The following SYT12 variants were observed in gnomAD, a reference collection of about 807,000 sequenced individuals.
The protein encoded by SYT12 is synaptotagmin-12.
SYT12 carries 27 observed loss-of-function variants against 39.5 expected under a neutral mutation model. That is an observed-to-expected ratio of 0.68 (90% confidence interval 0.50 to 0.94). The LOEUF (loss-of-function observed/expected upper bound fraction) is 0.94, where lower values mean the gene tolerates loss of function less well. Among genes scored for constraint, SYT12 ranks in the 40% least tolerant of loss-of-function variants. The pLI, the probability that SYT12 is intolerant of heterozygous loss-of-function variation, is 0.00. For synonymous variants in SYT12, 233 were observed against 239.7 expected (o/e 0.97, Z 0.26); for missense variants, 536 against 572.6 (o/e 0.94, Z 0.65).
intron 3 of SYT12, among the ~76,000 whole-genome samples, chr11:67,035,279 C>T (rs1330052165): frequency 6.6e-6 from 1 of 150,528 alleles, no homozygotes; most frequent in African/African-American, 2.4e-5. Flanking sequence ...AAAGTGCTGG[C>T]GTGAGTCACC....
rs1950135323 is a variant in SYT12, at chr11:67,023,340, G to A, written c.-144G>A. 1 of 148,360 alleles carries A rather than the reference G, an allele frequency of 6.7e-6. No individual in the cohort carries two copies. Among genetic ancestry groups the A allele is most frequent in the Non-Finnish European group, 1.5e-5 (1 of 66,530 alleles). 9.2% of individuals were successfully genotyped at this position (148,360 alleles called of 1,614,324 possible). A position where few individuals can be genotyped will look rare whatever the true frequency, so the allele number is the denominator to read the frequency against. ...CGCGCTCCTCGGAGGCGGGAGCCCG[G>A]CGACACTGCAGGGGTGGCGTTGCCG... On this transcript the variant is annotated 5_prime_UTR_variant, in exon 1 of 8. Transcript: ENST00000527043.
At chr11:67,045,538 G>A in intron 6 of SYT12, 1 of 704,710 alleles carries the variant, frequency 1.4e-6, no homozygotes, top group East Asian at 2.9e-5. Context: ...TGAGCACAAA[G>A]CCCAGCCCTC....
intron 7 of SYT12, among the ~76,000 whole-genome samples, chr11:67,047,271 T>A (rs1854587513): frequency 6.9e-6 from 1 of 144,566 alleles, no homozygotes; most frequent in South Asian, 2.2e-4. Flanking sequence ...ACCCCCAATT[T>A]TTTTTTTTTT....
intron 2 of SYT12, chr11:67,032,412 A>G (rs530755341): frequency 6.6e-6 from 1 of 152,338 alleles, no homozygotes; most frequent in East Asian, 1.9e-4. Context: ...GAATAAATTC[A>G]CCAGAGTGGG....
At chr11:67,041,214 T>C (rs1006361292) in intron 4 of SYT12, among the ~76,000 whole-genome samples, 39 of 150,948 alleles carry the variant, frequency 2.6e-4, no homozygotes, top group African/African-American at 9.3e-4. Flanking sequence ...GGCTCACACC[T>C]GTAATCCCAG....
chr11:67,009,691 C>A (rs1949998924), intron 1 of SYT12, among the ~76,000 whole-genome samples: 1 of 151,350 alleles, frequency 6.6e-6, no homozygotes, highest in Admixed American at 6.6e-5. Flanking sequence ...AAGTTCCCAG[C>A]ATCTAGTAGG....
In SYT12 at chr11:67,035,825, C is replaced by G. The variant is rs1434627731; in HGVS notation, c.228+987C>G. Among the ~76,000 whole-genome samples the G allele has an allele frequency of 3.1e-5, 3 of 96,602 alleles. No homozygotes were observed. The Admixed American group carries it at 3.4e-4, about 11-fold the overall frequency. 63.4% of individuals were successfully genotyped at this position (96,602 alleles called of 152,430 possible). On this transcript the variant is annotated intron_variant, in intron 3 of 7. Transcript: ENST00000527043. ...TCCTTCCTTCCTTCCTTCCTTCCTT[C>G]CTTCCTTCCTTCCTTTCTTTCTTTC...
At chr11:67,008,593 C>T (rs998027616) in intron 1 of SYT12, among the ~76,000 whole-genome samples, 2 of 152,074 alleles carry the variant, frequency 1.3e-5, no homozygotes, top group African/African-American at 2.4e-5. Flanking sequence ...CCCTGTTGCC[C>T]AGGCTAGAGT....
intron 4 of SYT12, among the ~76,000 whole-genome samples, chr11:67,042,897 G>A (rs1262030983): frequency 6.6e-6 from 1 of 152,210 alleles, no homozygotes; most frequent in Non-Finnish European, 1.5e-5. Flanking sequence ...ATTTATTCCA[G>A]GGAAGGCAAG....
chr11:67,044,543 C>T, intron 5 of SYT12, 50 bp from the exon 6 acceptor site: 13 of 1,596,648 alleles, frequency 8.1e-6, no homozygotes, highest in Non-Finnish European at 1.1e-5. Context: ...TCCCTGGACC[C>T]CTCAAGTCGG....
At chr11:67,028,632 C>T (rs1212160231) in intron 1 of SYT12, 1 of 152,214 alleles carries the variant, frequency 6.6e-6, no homozygotes, top group African/African-American at 2.4e-5. Context: ...TCTGATTCGA[C>T]CCCAGTCCCA....
rs144620364 is a variant in SYT12, at chr11:67,043,681, C to G, written c.665C>G (p.Ser222Cys). The G allele has an allele frequency of 1.2e-6, 2 of 1,614,130 alleles. No homozygotes were observed. The highest frequency in any genetic ancestry group is 2.7e-5 in the African/African-American group (2 of 75,034). Residue 222 changes from serine (S) to cysteine (C), a missense_variant, in exon 5 of 8, where the codon TCC (serine) becomes TGC (cysteine). Ser to Cys is a moderately radical substitution (Grantham distance 112). Coordinates refer to ENST00000527043, the MANE Select transcript of SYT12 (RefSeq NM_177963.4). The part of the protein sequence containing the change: ...AYSIFFDEKF[S>C]IPLDPTALEE... ...TCCATCTTCTTTGATGAGAAGTTCTCCATCCCCCTGGATCCCACAGCCCTG... is the reference window on the plus strand; with the variant it reads ...TCCATCTTCTTTGATGAGAAGTTCTGCATCCCCCTGGATCCCACAGCCCTG...
In SYT12 at chr11:67,050,774, T is replaced by G. The variant is rs1180515331; in HGVS notation, c.*2017T>G. Reference sequence around the variant, plus strand: ...GGACCGGGTATGCCAACTGGAATGATTCTAGAACCAAAATAAAGTTGGGGC... The same window carrying G: ...GGACCGGGTATGCCAACTGGAATGAGTCTAGAACCAAAATAAAGTTGGGGC... On this transcript the variant is annotated 3_prime_UTR_variant, in exon 8 of 8. Coordinates refer to ENST00000527043, the MANE Select transcript of SYT12 (RefSeq NM_177963.4). 6.6e-6 allele frequency: 1 copy of G among 152,214 alleles called. No individual in the cohort carries two copies. Among genetic ancestry groups the G allele is most frequent in the East Asian group, 1.9e-4 (1 of 5,190 alleles). The allele number at this position is 152,214 out of a possible 1,614,324, so 9.4% of individuals were successfully genotyped here. A position where few individuals can be genotyped will look rare whatever the true frequency, so the allele number is the denominator to read the frequency against.
intron 1 of SYT12, among the ~76,000 whole-genome samples, chr11:67,008,008 C>T (rs2136191296): frequency 6.7e-6 from 1 of 149,616 alleles, no homozygotes; most frequent in South Asian, 2.1e-4. Context: ...GGCTGGAGTG[C>T]AATGGCCTGA....
At chr11:67,035,599 A>G (rs2136218133) in intron 3 of SYT12, among the ~76,000 whole-genome samples, 1 of 149,852 alleles carries the variant, frequency 6.7e-6, no homozygotes, top group South Asian at 2.1e-4. Context: ...CTGGGACTAC[A>G]GGCACCCGCC....
chr11:67,040,137 C>G lies in SYT12; in HGVS notation c.555C>G (p.Ala185=). The G allele has an allele frequency of 1.9e-6, 3 of 1,610,586 alleles. No homozygotes were observed. The highest frequency in any genetic ancestry group is 2.5e-6 in the Non-Finnish European group (3 of 1,177,878). The change falls in exon 4 of 8, where the codon GCC becomes GCG. Residue 185 remains alanine (A), a synonymous_variant. Transcript: ENST00000527043. ...AGGACCTCCTGGAGCGGGAGGAGGC[C>G]AGCTTCGAGTCCTGCTTCATGCGCG... ...QGKDLLEREE[A]SFESCFMRVS...
intron 1 of SYT12, chr11:67,029,885 T>G: frequency 2.1e-6 from 1 of 467,388 alleles, no homozygotes. Flanking sequence ...AAATCTGAAA[T>G]TCACATGCCA....
chr11:67,019,896 C>CAAAA (rs71461631), upstream of SYT12, among the ~76,000 whole-genome samples: 3 of 116,664 alleles, frequency 2.6e-5, no homozygotes, highest in Non-Finnish European at 3.6e-5. Flanking sequence ...GACCCTGTCT[C>CAAAA]AAAAAAAAAA....
intron 3 of SYT12, among the ~76,000 whole-genome samples, chr11:67,037,153 G>C (rs561352917): frequency 3.3e-5 from 5 of 152,120 alleles, no homozygotes; most frequent in Non-Finnish European, 7.3e-5. Context: ...TACTCAGCAG[G>C]CTGAGACACA....
Sources: allele counts gnomAD v4.1 joint callset (sites outside exome capture counted in the v4.1 genomes callset), GRCh38; gene constraint gnomAD v4.1.1; transcripts MANE v1.5; gene names NCBI Gene and HGNC (gene_info 2026-07-23, HGNC 2026-07-21).